CREG2: variants seen among roughly 807,000 people sequenced by gnomAD.
The protein encoded by CREG2 is cellular repressor of E1A stimulated genes 2, also known as protein CREG2.
CREG2 carries 24 observed loss-of-function variants against 26.2 expected under a neutral mutation model. That is an observed-to-expected ratio of 0.92 (90% CI 0.66 to 1.29). The LOEUF is 1.29. Ranked by LOEUF, CREG2 falls within the 50% of genes most tolerant of loss-of-function variation. CREG2 has a pLI of 0.00. For synonymous variants in CREG2, 174 were observed against 169.2 expected (o/e 1.03, Z -0.22); for missense variants, 366 against 398.6 (o/e 0.92, Z 0.70).
At chr2:101,361,431 A>G (rs533244299) in intron 2 of CREG2, among the ~76,000 whole-genome samples, 1 of 152,348 alleles carries the variant, frequency 6.6e-6, no homozygotes, top group South Asian at 2.1e-4. Context: ...AGGATCATTA[A>G]GTGGAAAGCG....
intron 2 of CREG2, among the ~76,000 whole-genome samples, chr2:101,372,667 A>G (rs1416078576): frequency 1.3e-5 from 2 of 152,244 alleles, no homozygotes; most frequent in African/African-American, 4.8e-5. Flanking sequence ...AATCCTCAGC[A>G]GTTTTCCTGC....
intron 2 of CREG2, 97 bp downstream of exon 2, chr2:101,383,436 T>C: frequency 8.9e-7 from 1 of 1,125,366 alleles, no homozygotes. Flanking sequence ...CATCTCAGAG[T>C]TCTGTTAAAG....
chr2:101,378,756 T>G (rs114383610), intron 2 of CREG2, among the ~76,000 whole-genome samples: 1 of 151,924 alleles, frequency 6.6e-6, no homozygotes, highest in East Asian at 1.9e-4. Flanking sequence ...CCTAGCTGGG[T>G]GCAGCACTTT....
At chr2:101,353,309 T>C (rs1684410026) in intron 3 of CREG2, among the ~76,000 whole-genome samples, 1 of 152,202 alleles carries the variant, frequency 6.6e-6, no homozygotes, top group South Asian at 2.1e-4. Flanking sequence ...TTGCTTTTGG[T>C]GTTTTAGTCA....
chr2:101,381,804 C>G lies in CREG2; in HGVS notation c.611+1729G>C, dbSNP rs150282265. ...TCACCCAGTTAGCCAGGGGGCTGCA[C>G]AGGTGTTTGCGTGTCCTACATGTGG... On this transcript the variant is annotated intron_variant, in intron 2 of 3. Coordinates refer to ENST00000324768, the MANE Select transcript of CREG2 (RefSeq NM_153836.4). 7.9e-5 allele frequency among the ~76,000 whole-genome samples: 12 copies of G among 152,310 alleles called. No individual in the cohort carries two copies. The East Asian group carries it at 2.3e-3, about 30-fold the overall frequency.
intron 2 of CREG2, among the ~76,000 whole-genome samples, chr2:101,373,970 G>T (rs1276743619): frequency 6.6e-6 from 1 of 152,198 alleles, no homozygotes; most frequent in Non-Finnish European, 1.5e-5. Flanking sequence ...GGGCTCAATG[G>T]AGCCTCCCAC....
Position 101,387,484 on chromosome 2 carries a change from G to A in CREG2, c.-27C>T, listed in dbSNP as rs1442715398. On this transcript the variant is annotated 5_prime_UTR_variant, in exon 1 of 4. Coordinates refer to ENST00000324768, the MANE Select transcript of CREG2 (RefSeq NM_153836.4). This position sits in a 1 kb window ranked among gnomAD's most constrained non-coding sequence, Gnocchi z 4.7. ...TTGCAGGCAGCACGCCCGGCCGCCG[G>A]GGCCGCCAGCAGCGCTAGTGCCGGG... 1.5e-5 allele frequency: 14 copies of A among 923,764 alleles called. No homozygotes were observed. The Admixed American group carries it at 1.8e-4, about 12-fold the overall frequency. The allele number at this position is 923,764 out of a possible 1,614,324, so 57.2% of individuals were successfully genotyped here.
chr2:101,350,564 A>C lies in CREG2; in HGVS notation c.*359T>G, dbSNP rs763199870. 4 of 179,720 alleles carry C rather than the reference A, an allele frequency of 2.2e-5. No homozygotes were observed. Among genetic ancestry groups the C allele is most frequent in the Non-Finnish European group, 4.6e-5 (4 of 87,590 alleles). The allele number at this position is 179,720 out of a possible 1,614,324, so 11.1% of individuals were successfully genotyped here. A position where few individuals can be genotyped will look rare whatever the true frequency, so the allele number is the denominator to read the frequency against. On this transcript the variant is annotated 3_prime_UTR_variant, in exon 4 of 4. Transcript: ENST00000324768. ...CAAAGATACTCTCACAATACAAAGC[A>C]ATCACATTGTAGGTACAGGCATTTT...
intron 2 of CREG2, among the ~76,000 whole-genome samples, chr2:101,366,692 T>G (rs1054180989): frequency 6.6e-6 from 1 of 151,986 alleles, no homozygotes; most frequent in Admixed American, 6.5e-5. Flanking sequence ...TGTGGTGGCA[T>G]GCACCTGAAA....
chr2:101,356,112 A>G (rs924802844), intron 2 of CREG2, among the ~76,000 whole-genome samples: 1 of 152,176 alleles, frequency 6.6e-6, no homozygotes, highest in East Asian at 1.9e-4. Flanking sequence ...AGGCCTGGCC[A>G]TCTTCAGCCA....
At chr2:101,364,661 T>C (rs1335955051) in intron 2 of CREG2, among the ~76,000 whole-genome samples, 2 of 152,194 alleles carry the variant, frequency 1.3e-5, no homozygotes, top group East Asian at 1.9e-4. Context: ...TGAGAATGCA[T>C]GTGAGGATTC....
intron 2 of CREG2, among the ~76,000 whole-genome samples, chr2:101,364,205 C>G (rs1379032636): frequency 2.0e-5 from 3 of 152,200 alleles, no homozygotes. Flanking sequence ...TGTATCCAGC[C>G]AGATAGTAAC....
intron 2 of CREG2, among the ~76,000 whole-genome samples, chr2:101,374,032 A>AT (rs956998264): frequency 6.6e-6 from 1 of 152,068 alleles, no homozygotes; most frequent in African/African-American, 2.4e-5. Flanking sequence ...CACCTGGCTA[A>AT]TTTTTTTATT....
rs917573768 is a variant in CREG2 at position 101,348,475 on chromosome 2, G to A, written c.*2448C>T. On this transcript the variant is annotated 3_prime_UTR_variant, in exon 4 of 4. Transcript: ENST00000324768. The stretch of plus-strand genomic sequence containing the variant: ...TTTAGGTCATTAATTTCTTTTCTTA[G>A]CATTTAAAAATTTTCACTACATAGG... The A allele has an allele frequency of 1.4e-4, 22 of 151,980 alleles. No individual in the cohort carries two copies. The highest frequency in any genetic ancestry group is 2.6e-4 in the Non-Finnish European group (18 of 67,962). 9.4% of individuals were successfully genotyped at this position (151,980 alleles called of 1,614,324 possible).
intron 2 of CREG2, among the ~76,000 whole-genome samples, chr2:101,368,144 T>G (rs1684647464): frequency 6.6e-6 from 1 of 151,948 alleles, no homozygotes; most frequent in Admixed American, 6.6e-5. Flanking sequence ...AAAAATTAGC[T>G]GGGCATTGTG....
intron 2 of CREG2, among the ~76,000 whole-genome samples, chr2:101,383,272 A>G (rs1298869708): frequency 6.6e-6 from 1 of 152,178 alleles, no homozygotes; most frequent in African/African-American, 2.4e-5. Context: ...TATTTCCAGC[A>G]CTTGCAATAA....
chr2:101,382,355 G>T, intron 2 of CREG2: 1 of 346,668 alleles, frequency 2.9e-6, no homozygotes, highest in Non-Finnish European at 4.1e-6. Flanking sequence ...GGAGGCAGAG[G>T]TTCACGGTTG....
chr2:101,385,093 C>T (rs376528448), intron 1 of CREG2, among the ~76,000 whole-genome samples: 28 of 152,194 alleles, frequency 1.8e-4, no homozygotes, highest in East Asian at 1.2e-3. Context: ...TATTTGTTTA[C>T]GGTAACACAG....
At chr2:101,355,576 A>C (rs368203851) in intron 2 of CREG2, among the ~76,000 whole-genome samples, 2 of 152,086 alleles carry the variant, frequency 1.3e-5, no homozygotes, top group Non-Finnish European at 1.5e-5. Context: ...TGTAGGTTAG[A>C]TATCAGTCTG....
Sources: gnomAD v4.1 joint callset for allele counts (sites outside exome capture counted in the v4.1 genomes callset) on GRCh38, gnomAD v4.1.1 for gene constraint, Gnocchi (gnomAD v3.1) non-coding constraint, MANE v1.5 for transcripts, NCBI Gene and HGNC (gene_info 2026-07-23, HGNC 2026-07-21) for gene names.